The following ARMC2 variants were observed in gnomAD, a reference collection of about 807,000 sequenced individuals.
The protein encoded by ARMC2 is armadillo repeat-containing protein 2.
ARMC2 carries 67 observed loss-of-function variants against 90.3 expected under a neutral mutation model. The observed-to-expected ratio is 0.74, with a 90% CI of 0.61 to 0.91. The LOEUF (loss-of-function observed/expected upper bound fraction) is 0.91, where lower values mean the gene tolerates loss of function less well. ARMC2 is among the 40% of genes least tolerant of loss of function. The pLI is 0.00. For missense variants in ARMC2, 920 were observed against 1,030.9 expected (o/e 0.89, Z 1.47); for synonymous variants, 393 against 393.0 (o/e 1.00, Z 0.00).
chr6:108,876,110 C>T, intron 4 of ARMC2, 33 bp from the exon 5 acceptor site: 1 of 1,518,508 alleles, frequency 6.6e-7, no homozygotes, highest in South Asian at 1.2e-5. Flanking sequence ...AATAAGAATA[C>T]TTCAACAAAA....
the ARMC2 span, among the ~76,000 whole-genome samples, chr6:109,008,556 G>A: frequency 6.6e-6 from 1 of 152,036 alleles, no homozygotes; most frequent in African/African-American, 2.4e-5. Context: ...ACGAAACCAC[G>A]TCATTTTAGT....
Position 108,928,174 on chromosome 6 carries a change from G to C in ARMC2, c.1437G>C (p.Thr479=). ...TCAGTGCCCTTCCCCAGCTCTGCAC[G>C]GCAATGGAACAGTACAAGGGTGACA... ...LNISALPQLC[T]AMEQYKGDKD... Residue 479 remains threonine (T), a synonymous_variant, in exon 11 of 18, where the codon ACG becomes ACC. Transcript: ENST00000392644. 1 of 1,612,794 alleles carries C rather than the reference G, an allele frequency of 6.2e-7. No individual in the cohort carries two copies. Among genetic ancestry groups the C allele is most frequent in the Non-Finnish European group, 8.5e-7 (1 of 1,179,462 alleles).
the ARMC2 span, chr6:109,002,319 GTC>G: frequency 6.2e-7 from 1 of 1,613,350 alleles, no homozygotes; most frequent in Non-Finnish European, 8.5e-7. Flanking sequence ...TGTCCTAGTG[GTC>G]GAGGAATTCT....
intron 8 of ARMC2, 74 bp downstream of exon 8, chr6:108,904,479 T>G: frequency 7.6e-7 from 1 of 1,322,958 alleles, no homozygotes; most frequent in Non-Finnish European, 1.0e-6. Context: ...TTTTTAAATA[T>G]TACAAAGAAT....
At chr6:108,980,546 G>A in the ARMC2 span, among the ~76,000 whole-genome samples, 62 of 152,216 alleles carry the variant, frequency 4.1e-4, no homozygotes, top group African/African-American at 1.5e-3. Flanking sequence ...GAGATCTGCT[G>A]CTCTCTTCAG....
In ARMC2 at chr6:108,909,755, C is replaced by T. The variant is rs968001944; in HGVS notation, c.1024-1144C>T. Among the ~76,000 whole-genome samples the T allele has an allele frequency of 9.9e-5, 15 of 152,176 alleles. No individual in the cohort carries two copies. In the East Asian group the frequency reaches 2.7e-3, roughly 28 times the overall value. ...TTCACCACGTTGGTCAGGCTGGTCT[C>T]GAACTCCTGACCTCATGATCCACCA... On this transcript the variant is annotated intron_variant, in intron 8 of 17. Coordinates refer to ENST00000392644, the MANE Select transcript of ARMC2 (RefSeq NM_032131.6).
chr6:109,028,778 C>T, the ARMC2 span, among the ~76,000 whole-genome samples: 2 of 152,118 alleles, frequency 1.3e-5, no homozygotes, highest in South Asian at 2.1e-4. Flanking sequence ...GACTGGGTCA[C>T]GAAAGCAGTG....
chr6:108,913,650 C>T (rs1773655489), intron 10 of ARMC2, among the ~76,000 whole-genome samples: 1 of 152,134 alleles, frequency 6.6e-6, no homozygotes. Context: ...TTTTTTCACC[C>T]TGAGATAACA....
chr6:108,937,235 G>A (rs1057208015), intron 12 of ARMC2, among the ~76,000 whole-genome samples: 2 of 151,864 alleles, frequency 1.3e-5, no homozygotes, highest in African/African-American at 4.8e-5. Context: ...AAGGAAGGTG[G>A]TAGATTATAA....
chr6:108,869,019 A>C, intron 4 of ARMC2, 24 bp downstream of exon 4: 1 of 1,568,772 alleles, frequency 6.4e-7, no homozygotes, highest in Non-Finnish European at 8.6e-7. Context: ...ACATCCTGTA[A>C]TCTCTGGGGA....
chr6:108,860,492 C>A (rs923486756), intron 3 of ARMC2, among the ~76,000 whole-genome samples: 1 of 151,902 alleles, frequency 6.6e-6, no homozygotes, highest in Non-Finnish European at 1.5e-5. Flanking sequence ...GAAACCCAGT[C>A]TCTACTAAAA....
At chr6:108,968,483 C>T (rs1195811535) in intron 17 of ARMC2, among the ~76,000 whole-genome samples, 1 of 152,226 alleles carries the variant, frequency 6.6e-6, no homozygotes, top group East Asian at 1.9e-4. Flanking sequence ...CTCACGTGAG[C>T]TCCTCTTCAC....
chr6:109,049,949 T>G, the ARMC2 span, among the ~76,000 whole-genome samples: 1 of 152,076 alleles, frequency 6.6e-6, no homozygotes, highest in South Asian at 2.1e-4. Context: ...AGGCAACAGC[T>G]TTAAAAGAAA....
At chr6:108,925,643 AT>A (rs1424939597) in intron 10 of ARMC2, among the ~76,000 whole-genome samples, 5 of 152,204 alleles carry the variant, frequency 3.3e-5, no homozygotes, top group African/African-American at 1.2e-4. Flanking sequence ...CAAAAAGCCA[AT>A]ATGGCTTGGA....
At chr6:108,969,614 A>T (rs1778618057) in intron 17 of ARMC2, among the ~76,000 whole-genome samples, 1 of 152,248 alleles carries the variant, frequency 6.6e-6, no homozygotes, top group African/African-American at 2.4e-5. Flanking sequence ...AGAATGTATT[A>T]TATTTAGTAA....
intron 3 of ARMC2, among the ~76,000 whole-genome samples, chr6:108,859,369 C>T (rs1774982072): frequency 6.6e-6 from 1 of 152,080 alleles, no homozygotes; most frequent in Non-Finnish European, 1.5e-5. Flanking sequence ...TGTCTCAAGT[C>T]CTCTTTCTTG....
At chr6:109,009,214 C>T in the ARMC2 span, 95,032 of 837,672 alleles carry the variant, frequency 0.11, 5,942 homozygotes, top group South Asian at 0.18. Flanking sequence ...TCCCCGGGAG[C>T]CCGCCCTATC....
At chr6:108,944,922 T>C in intron 12 of ARMC2, among the ~76,000 whole-genome samples, 1 of 152,086 alleles carries the variant, frequency 6.6e-6, no homozygotes, top group Non-Finnish European at 1.5e-5. Flanking sequence ...CATATCTGTG[T>C]GGTTAATTTG....
chr6:108,896,776 C>T (rs1219663208), intron 6 of ARMC2, among the ~76,000 whole-genome samples: 1 of 152,120 alleles, frequency 6.6e-6, no homozygotes, highest in African/African-American at 2.4e-5. Context: ...GTCATGGTTT[C>T]TCATAGAAGT....
Sources: allele counts gnomAD v4.1 joint callset (sites outside exome capture counted in the v4.1 genomes callset), GRCh38; gene constraint gnomAD v4.1.1; transcripts MANE v1.5; gene names NCBI Gene and HGNC (gene_info 2026-07-23, HGNC 2026-07-21).